ADTRP: variants seen among roughly 807,000 people sequenced by gnomAD.
ADTRP encodes androgen-dependent TFPI-regulating protein.
ADTRP carries 20 observed loss-of-function variants against 27.0 expected under a neutral mutation model. The ratio of observed to expected loss-of-function variants is 0.74; its 90% CI spans 0.52 to 1.08. The LOEUF (loss-of-function observed/expected upper bound fraction) is 1.08, where lower values mean the gene tolerates loss of function less well. ADTRP is among the 50% of genes least tolerant of loss of function. ADTRP has a pLI of 0.00. For synonymous variants in ADTRP, 101 were observed against 105.2 expected, an observed-to-expected ratio of 0.96 and a Z score of 0.25; for missense variants, 251 against 275.0, an observed-to-expected ratio of 0.91 and a Z score of 0.62.
intron 3 of ADTRP, among the ~76,000 whole-genome samples, chr6:11,737,214 G>A (rs1035120354): frequency 6.6e-6 from 1 of 152,066 alleles, no homozygotes; most frequent in Non-Finnish European, 1.5e-5. Context: ...AGTAGTGCTA[G>A]TATTTTGCGT....
chr6:11,766,363 C>T lies in ADTRP; in HGVS notation c.301G>A (p.Ala101Thr), dbSNP rs770012282. The T allele has an allele frequency of 1.9e-6, 3 of 1,609,940 alleles. No homozygotes were observed. The Admixed American group carries it at 5.0e-5, about 27-fold the overall frequency. Residue 101 changes from alanine to threonine, a missense_variant, in exon 3 of 6, where the codon GCA becomes ACA. Ala to Thr is a moderately conservative substitution (Grantham distance 58). Coordinates refer to ENST00000414691, the MANE Select transcript of ADTRP (RefSeq NM_032744.4). Reference sequence around the variant, plus strand: ...TTGTAGAGAAAGAGGATCCAGAATGCCAAAAATACAAACTGGAAAATAAAA... The same window carrying T: ...TTGTAGAGAAAGAGGATCCAGAATGTCAAAAATACAAACTGGAAAATAAAA... ...AFPVSTFVFL[A>T]FWILFLYNRD... is the part of the protein sequence containing the mutation.
intron 3 of ADTRP, among the ~76,000 whole-genome samples, chr6:11,763,654 T>G (rs1438954954): frequency 1.3e-5 from 2 of 152,220 alleles, no homozygotes. Flanking sequence ...ATGTGGGAAA[T>G]GTTAACAAAC....
At chr6:11,722,549 G>A (rs977881494) in intron 5 of ADTRP, among the ~76,000 whole-genome samples, 4 of 152,052 alleles carry the variant, frequency 2.6e-5, no homozygotes, top group African/African-American at 4.8e-5. Context: ...GAGTTCCTGC[G>A]CTTCTCCTGG....
chr6:11,763,829 G>A (rs1055863064), intron 3 of ADTRP, among the ~76,000 whole-genome samples: 2 of 152,216 alleles, frequency 1.3e-5, no homozygotes, highest in East Asian at 3.8e-4. Flanking sequence ...TACTTATTAG[G>A]ACACTTAATT....
chr6:11,761,127 G>A (rs1466942320), intron 3 of ADTRP, among the ~76,000 whole-genome samples: 1 of 152,104 alleles, frequency 6.6e-6, no homozygotes, highest in African/African-American at 2.4e-5. Context: ...CCTTTCTTCT[G>A]CCAGAATGTC....
intron 2 of ADTRP, 89 bp from the exon 3 acceptor site, chr6:11,766,464 AACAG>A (rs1375874751): frequency 6.6e-6 from 6 of 910,034 alleles, no homozygotes; most frequent in Admixed American, 4.5e-5. Context: ...GCTAAATAAA[AACAG>A]ACAACCATTT....
chr6:11,759,900 G>C (rs906589759), intron 3 of ADTRP, among the ~76,000 whole-genome samples: 29 of 152,190 alleles, frequency 1.9e-4, no homozygotes, highest in Non-Finnish European at 4.0e-4. Context: ...AGAGGCTGCA[G>C]TGGTGTGCTT....
intron 5 of ADTRP, among the ~76,000 whole-genome samples, chr6:11,715,805 G>GTT (rs1561736105): frequency 1.1e-4 from 10 of 89,262 alleles, no homozygotes; most frequent in Middle Eastern, 9.1e-3. Flanking sequence ...ACCATGCCCA[G>GTT]CTTTTTTTTT....
At chr6:11,716,392 G>C (rs539310484) in intron 5 of ADTRP, among the ~76,000 whole-genome samples, 14 of 152,304 alleles carry the variant, frequency 9.2e-5, no homozygotes, top group South Asian at 8.3e-4. Context: ...TGCTGGGGGA[G>C]GACAGCAGGT....
chr6:11,746,071 T>C (rs1762857173), intron 3 of ADTRP, among the ~76,000 whole-genome samples: 1 of 152,194 alleles, frequency 6.6e-6, no homozygotes, highest in South Asian at 2.1e-4. Flanking sequence ...GATTTAGGCA[T>C]GAGCCACCCC....
Position 11,723,511 on chromosome 6 carries a change from T to G in ADTRP, c.507-11A>C, listed in dbSNP as rs757936027. The G allele has an allele frequency of 6.2e-7, 1 of 1,613,034 alleles. No individual in the cohort carries two copies. On this transcript the variant is annotated splice_polypyrimidine_tract_variant and intron_variant, in intron 4 of 5. Coordinates refer to ENST00000414691, the MANE Select transcript of ADTRP (RefSeq NM_032744.4). ...TAGAGCCATAGGATGCTGCAGGAAATAAGAAGTCGTGGTGGTTATAGCAGG... is the reference window on the plus strand; with the variant it reads ...TAGAGCCATAGGATGCTGCAGGAAAGAAGAAGTCGTGGTGGTTATAGCAGG...
chr6:11,717,909 G>C (rs1456611394), intron 5 of ADTRP, among the ~76,000 whole-genome samples: 1 of 152,252 alleles, frequency 6.6e-6, no homozygotes, highest in African/African-American at 2.4e-5. Flanking sequence ...CCATGCTTTA[G>C]AAGTACCTGT....
intron 4 of ADTRP, chr6:11,728,648 CT>C (rs1762292511): frequency 6.6e-6 from 1 of 152,204 alleles, no homozygotes; most frequent in Non-Finnish European, 1.5e-5. Context: ...ACCTTTGTTA[CT>C]TATTTGATTG....
chr6:11,748,538 C>T (rs1581344317), intron 3 of ADTRP, among the ~76,000 whole-genome samples: 1 of 152,180 alleles, frequency 6.6e-6, no homozygotes, highest in Admixed American at 6.5e-5. Flanking sequence ...GCAGACCTTA[C>T]AGTCAATGGG....
chr6:11,742,870 G>C (rs1762760845), intron 3 of ADTRP, among the ~76,000 whole-genome samples: 1 of 152,164 alleles, frequency 6.6e-6, no homozygotes, highest in Non-Finnish European at 1.5e-5. Flanking sequence ...GTTTGTTTTT[G>C]TTCCAATTGT....
At chr6:11,773,703 A>C (rs1382866621) in intron 1 of ADTRP, among the ~76,000 whole-genome samples, 1 of 152,194 alleles carries the variant, frequency 6.6e-6, no homozygotes, top group African/African-American at 2.4e-5. Context: ...GTGCCTTATC[A>C]GAGTATCCAC....
At chr6:11,754,244 CT>C (rs1180561599) in intron 3 of ADTRP, among the ~76,000 whole-genome samples, 2 of 152,206 alleles carry the variant, frequency 1.3e-5, no homozygotes, top group Non-Finnish European at 2.9e-5. Context: ...TTCTGCACCC[CT>C]CTTTAGTTTT....
At chr6:11,764,791 T>C (rs2113326683) in intron 3 of ADTRP, among the ~76,000 whole-genome samples, 1 of 151,846 alleles carries the variant, frequency 6.6e-6, no homozygotes, top group Non-Finnish European at 1.5e-5. Flanking sequence ...TATTTTTTCA[T>C]TTGTAAAAAT....
In ADTRP at chr6:11,723,391, T is replaced by G. The variant is rs758531166; in HGVS notation, c.616A>C (p.Ser206Arg). 6.2e-7 allele frequency: 1 copy of G among 1,614,148 alleles called. No individual in the cohort carries two copies. The highest frequency in any genetic ancestry group is 1.1e-5 in the South Asian group (1 of 91,084). ...FFSLSYVFIA[S>R]IYLLGEKLNH... ...AGCTTCTCTCCAAGTAGGTAGATGC[T>G]GGCGATGAAGACGTAGCTGAGAGAG... Residue 206 changes from serine to arginine, a missense_variant, in exon 5 of 6, where the codon AGC becomes CGC. Ser to Arg is a moderately radical substitution (Grantham distance 110). Coordinates refer to ENST00000414691, the MANE Select transcript of ADTRP (RefSeq NM_032744.4).
Sources: gnomAD v4.1 joint callset for allele counts (sites outside exome capture counted in the v4.1 genomes callset) on GRCh38, gnomAD v4.1.1 for gene constraint, MANE v1.5 for transcripts, NCBI Gene and HGNC (gene_info 2026-07-23, HGNC 2026-07-21) for gene names.